Variants in NKAIN2 observed in about 807,000 individuals in gnomAD.
NKAIN2 encodes sodium/potassium-transporting ATPase subunit beta-1-interacting protein 2.
NKAIN2 carries 14 observed loss-of-function variants against 32.6 expected under a neutral mutation model. The ratio of observed to expected loss-of-function variants is 0.43; its 90% CI spans 0.28 to 0.67. The LOEUF (loss-of-function observed/expected upper bound fraction) is 0.67, where lower values mean the gene tolerates loss of function less well. Ranked by LOEUF, NKAIN2 falls within the 30% of genes least tolerant of loss-of-function variation. The pLI is 0.17. For missense variants in NKAIN2, 198 were observed against 258.3 expected (o/e 0.77, Z 1.60); for synonymous variants, 80 against 87.2 (o/e 0.92, Z 0.46).
chr6:124,568,771 A>C (rs1469167504), intron 3 of NKAIN2, among the ~76,000 whole-genome samples: 1 of 145,054 alleles, frequency 6.9e-6, no homozygotes, highest in Admixed American at 7.1e-5. Flanking sequence ...AGGAAAAAAG[A>C]CTCTGGTTCA....
At chr6:123,910,641 C>G (rs34695408) in intron 1 of NKAIN2, among the ~76,000 whole-genome samples, 5,790 of 150,982 alleles carry the variant, frequency 0.038, 156 homozygotes, top group Non-Finnish European at 0.056. Context: ...GTAGCTGGGA[C>G]TATACAGGCA....
intron 3 of NKAIN2, among the ~76,000 whole-genome samples, chr6:124,649,962 A>C (rs139324548): frequency 1.5e-3 from 222 of 152,270 alleles, no homozygotes; most frequent in African/African-American, 5.1e-3. Flanking sequence ...GATAAAAACA[A>C]ACAAAAAAAC....
chr6:124,260,766 C>T (rs991672060), intron 1 of NKAIN2, among the ~76,000 whole-genome samples: 6 of 133,126 alleles, frequency 4.5e-5, no homozygotes, highest in Non-Finnish European at 7.7e-5. Flanking sequence ...GGAACAAGGG[C>T]ATGGAAAAGT....
At chr6:124,455,765 A>G (rs1020100475) in intron 3 of NKAIN2, among the ~76,000 whole-genome samples, 1 of 152,030 alleles carries the variant, frequency 6.6e-6, no homozygotes, top group African/African-American at 2.4e-5. Flanking sequence ...GCATGTGCCT[A>G]TTTAAAAATA....
chr6:124,003,969 T>C (rs1456661872), intron 1 of NKAIN2, among the ~76,000 whole-genome samples: 1 of 152,210 alleles, frequency 6.6e-6, no homozygotes, highest in Non-Finnish European at 1.5e-5. Context: ...ATTATAATAC[T>C]GACTAGAGCT....
intron 3 of NKAIN2, among the ~76,000 whole-genome samples, chr6:124,416,017 A>G (rs1774468936): frequency 6.6e-6 from 1 of 151,190 alleles, no homozygotes; most frequent in Admixed American, 6.6e-5. Flanking sequence ...TTTTTTTAAA[A>G]TTTAAGTTTA....
intron 3 of NKAIN2, among the ~76,000 whole-genome samples, chr6:124,385,195 G>T (rs1772841331): frequency 6.6e-6 from 1 of 152,106 alleles, no homozygotes; most frequent in Admixed American, 6.6e-5. Flanking sequence ...CCAGCTATGA[G>T]GTATAAAAAG....
chr6:124,509,289 G>A (rs1046202731), intron 3 of NKAIN2, among the ~76,000 whole-genome samples: 5 of 152,126 alleles, frequency 3.3e-5, no homozygotes, highest in African/African-American at 1.2e-4. Flanking sequence ...TAGAAAGGGT[G>A]GATGAAGGAA....
intron 1 of NKAIN2, among the ~76,000 whole-genome samples, chr6:124,191,426 A>G (rs1790016056): frequency 6.6e-6 from 1 of 152,072 alleles, no homozygotes; most frequent in Non-Finnish European, 1.5e-5. Flanking sequence ...TTTCCAGTTT[A>G]TAGAAATATA....
intron 2 of NKAIN2, among the ~76,000 whole-genome samples, chr6:124,341,272 T>A (rs1042672260): frequency 3.3e-5 from 5 of 152,064 alleles, no homozygotes; most frequent in African/African-American, 1.2e-4. Flanking sequence ...TCACAGTAAA[T>A]GATTGAACTG....
intron 1 of NKAIN2, among the ~76,000 whole-genome samples, chr6:124,180,670 C>G (rs548877374): frequency 2.1e-4 from 32 of 152,296 alleles, no homozygotes; most frequent in African/African-American, 6.3e-4. Flanking sequence ...TCCAAAGTCT[C>G]ATCTGAGACA....
At chr6:124,631,644 G>GACTT (rs1257497192) in intron 3 of NKAIN2, among the ~76,000 whole-genome samples, 1 of 152,026 alleles carries the variant, frequency 6.6e-6, no homozygotes, top group Non-Finnish European at 1.5e-5. Flanking sequence ...TGACTGGTCT[G>GACTT]ACTTACCGTC....
At chr6:124,301,068 C>T (rs1329134990) in intron 2 of NKAIN2, among the ~76,000 whole-genome samples, 2 of 152,142 alleles carry the variant, frequency 1.3e-5, no homozygotes, top group East Asian at 3.9e-4. Flanking sequence ...ATCACAGGGT[C>T]AGAGGCCTCA....
intron 1 of NKAIN2, among the ~76,000 whole-genome samples, chr6:123,885,768 G>A (rs535524412): frequency 1.3e-4 from 19 of 151,950 alleles, no homozygotes; most frequent in Admixed American, 2.6e-4. Flanking sequence ...GTCATTTTTA[G>A]TTCACCATTG....
intron 2 of NKAIN2, among the ~76,000 whole-genome samples, chr6:124,297,549 A>G (rs1243553457): frequency 6.6e-6 from 1 of 151,546 alleles, no homozygotes; most frequent in African/African-American, 2.4e-5. Context: ...GGTGGGCTGC[A>G]GCACCATACT....
At chr6:124,433,811 A>G (rs1432068975) in intron 3 of NKAIN2, among the ~76,000 whole-genome samples, 3 of 152,182 alleles carry the variant, frequency 2.0e-5, no homozygotes, top group African/African-American at 7.2e-5. Context: ...ATTCGCCAGG[A>G]GCCTCTCCTT....
chr6:124,798,392 T>C (rs1780105617), intron 5 of NKAIN2, among the ~76,000 whole-genome samples: 1 of 151,794 alleles, frequency 6.6e-6, no homozygotes, highest in South Asian at 2.1e-4. Flanking sequence ...ACATTTGTCT[T>C]ATGAATTTGA....
Position 124,795,772 on chromosome 6 carries a change from C to T in NKAIN2, c.535+4373C>T, listed in dbSNP as rs538827947. Among the ~76,000 whole-genome samples, 6 of 152,106 alleles carry T rather than the reference C, an allele frequency of 3.9e-5. No individual in the cohort carries two copies. In the South Asian group the frequency reaches 1.0e-3, roughly 26 times the overall value. On this transcript the variant is annotated intron_variant, in intron 5 of 6. Transcript: ENST00000368417. ...GTGGAAAAGAGGCAAGGCAGCCTTC[C>T]GGGGCCTCTTTTAGAAGGTCACTAA...
chr6:124,286,336 C>A (rs1421234541), intron 2 of NKAIN2, among the ~76,000 whole-genome samples: 1 of 151,934 alleles, frequency 6.6e-6, no homozygotes, highest in African/African-American at 2.4e-5. Context: ...ATACTCTCGT[C>A]TTTTTTTGTG....
Sources: allele counts gnomAD v4.1 joint callset (sites outside exome capture counted in the v4.1 genomes callset), GRCh38; gene constraint gnomAD v4.1.1; transcripts MANE v1.5; gene names NCBI Gene and HGNC (gene_info 2026-07-23, HGNC 2026-07-21).